The following EXOC6B variants were observed in gnomAD, a reference collection of about 807,000 sequenced individuals.
EXOC6B encodes the protein SEC15 homolog B.
Under a neutral mutation model 113.5 loss-of-function variants are expected in EXOC6B, and 54 were observed. The observed-to-expected ratio is 0.48, with a 90% confidence interval of 0.38 to 0.60. The LOEUF (loss-of-function observed/expected upper bound fraction) is 0.60. Among genes scored for constraint, EXOC6B ranks in the 20% least tolerant of loss-of-function variants. EXOC6B has a pLI of 0.00. For synonymous variants in EXOC6B, 357 were observed against 339.0 expected, an observed-to-expected ratio of 1.05 and a Z score of -0.58; for missense variants, 797 against 977.5, an observed-to-expected ratio of 0.82 and a Z score of 2.46.
intron 20 of EXOC6B, among the ~76,000 whole-genome samples, chr2:72,191,832 T>C (rs1344358558): frequency 1.3e-5 from 2 of 152,208 alleles, no homozygotes; most frequent in Non-Finnish European, 2.9e-5. Flanking sequence ...GCAGCAAGTC[T>C]AGAAATAATT....
intron 19 of EXOC6B, among the ~76,000 whole-genome samples, chr2:72,352,145 G>T (rs1572955156): frequency 1.3e-5 from 2 of 152,208 alleles, no homozygotes; most frequent in East Asian, 3.9e-4. Flanking sequence ...AATTCTAAAA[G>T]GGATTAGCTG....
chr2:72,306,071 AAAG>A (rs1274027165), intron 20 of EXOC6B, among the ~76,000 whole-genome samples: 10 of 152,182 alleles, frequency 6.6e-5, no homozygotes, highest in African/African-American at 2.2e-4. Context: ...CAGTTGAAGA[AAAG>A]AAGAACACTT....
At chr2:72,543,548 T>C (rs2105797333) in intron 8 of EXOC6B, among the ~76,000 whole-genome samples, 1 of 152,228 alleles carries the variant, frequency 6.6e-6, no homozygotes, top group Middle Eastern at 3.4e-3. Flanking sequence ...TCTCTCTTTT[T>C]CCCCCGCCTT....
intron 20 of EXOC6B, among the ~76,000 whole-genome samples, chr2:72,328,454 C>T (rs979131992): frequency 6.6e-6 from 1 of 151,924 alleles, no homozygotes; most frequent in Non-Finnish European, 1.5e-5. Context: ...CTTGGAGCAT[C>T]AGGCCACCTG....
At chr2:72,280,761 A>C (rs1483630868) in intron 20 of EXOC6B, among the ~76,000 whole-genome samples, 5 of 152,102 alleles carry the variant, frequency 3.3e-5, no homozygotes, top group Non-Finnish European at 7.4e-5. Context: ...AAGGGAGCTC[A>C]CTGAGATGAA....
At chr2:72,437,113 T>C (rs1437148673) in intron 18 of EXOC6B, among the ~76,000 whole-genome samples, 1 of 152,206 alleles carries the variant, frequency 6.6e-6, no homozygotes, top group Non-Finnish European at 1.5e-5. Context: ...GTTCATGTTA[T>C]CACTTTTTCT....
intron 6 of EXOC6B, among the ~76,000 whole-genome samples, chr2:72,705,733 A>C (rs575986821): frequency 9.2e-5 from 14 of 151,970 alleles, no homozygotes; most frequent in East Asian, 1.9e-4. Flanking sequence ...ACACACACAC[A>C]CCCAATAAAA....
chr2:72,187,518 C>T (rs1678516443), intron 20 of EXOC6B, among the ~76,000 whole-genome samples: 1 of 151,974 alleles, frequency 6.6e-6, no homozygotes, highest in African/African-American at 2.4e-5. Flanking sequence ...TCTCAGTAGC[C>T]AGGGTGTCCC....
At chr2:72,503,403 T>C (rs1010287061) in intron 11 of EXOC6B, among the ~76,000 whole-genome samples, 4 of 152,188 alleles carry the variant, frequency 2.6e-5, no homozygotes, top group Non-Finnish European at 4.4e-5. Context: ...CTTGTCTCCA[T>C]AGTTTTGCCA....
chr2:72,339,483 G>C (rs907745724), intron 19 of EXOC6B, among the ~76,000 whole-genome samples: 1 of 152,078 alleles, frequency 6.6e-6, no homozygotes, highest in Non-Finnish European at 1.5e-5. Flanking sequence ...ACCAATTCCT[G>C]TTACTGGGAG....
intron 20 of EXOC6B, among the ~76,000 whole-genome samples, chr2:72,313,213 C>T (rs1687311632): frequency 1.3e-5 from 2 of 151,984 alleles, no homozygotes; most frequent in South Asian, 2.1e-4. Flanking sequence ...TGGGGCCTAA[C>T]GAAGGGTGGC....
rs374953860 is a variant in EXOC6B at position 72,359,906 on chromosome 2, C to G, written c.2122+19823G>C. ...CTGGTTGTTTAAAAGACTGTGGCTC[C>G]TCCCCCACTTCTCTTGCTGGTTCTC... On this transcript the variant is annotated intron_variant, in intron 19 of 21. Coordinates refer to ENST00000272427, the MANE Select transcript of EXOC6B (RefSeq NM_015189.3). Among the ~76,000 whole-genome samples, 92 of 152,124 alleles carry G rather than the reference C, an allele frequency of 6.0e-4. 2 individuals carry two copies. The East Asian group carries it at 0.015, about 25-fold the overall frequency.
chr2:72,635,500 C>T (rs1377482517), intron 6 of EXOC6B, among the ~76,000 whole-genome samples: 1 of 152,100 alleles, frequency 6.6e-6, no homozygotes, highest in Admixed American at 6.6e-5. Flanking sequence ...AAGTACCACA[C>T]CTTCCCCCAA....
At chr2:72,508,450 C>T (rs914907660) in intron 11 of EXOC6B, among the ~76,000 whole-genome samples, 2 of 151,904 alleles carry the variant, frequency 1.3e-5, no homozygotes, top group East Asian at 1.9e-4. Context: ...TTTAAAAAGA[C>T]GATTTAAGAG....
rs144374504 is a variant in EXOC6B, at chr2:72,747,559, A to G, written c.114-6090T>C. Among the ~76,000 whole-genome samples the G allele has an allele frequency of 2.5e-4, 38 of 152,158 alleles. No homozygotes were observed. In the East Asian group the frequency reaches 6.2e-3, roughly 25 times the overall value. Reference sequence around the variant, plus strand: ...AACATCATGTTATATGACTTAATAAATTTCCCATTGTTTAAGCCACTTTCC... The same window carrying G: ...AACATCATGTTATATGACTTAATAAGTTTCCCATTGTTTAAGCCACTTTCC... On this transcript the variant is annotated intron_variant, in intron 1 of 21. Coordinates refer to ENST00000272427, the MANE Select transcript of EXOC6B (RefSeq NM_015189.3).
chr2:72,304,983 G>T (rs2104767871), intron 20 of EXOC6B, among the ~76,000 whole-genome samples: 1 of 152,300 alleles, frequency 6.6e-6, no homozygotes, highest in East Asian at 1.9e-4. Flanking sequence ...TACATCTAAA[G>T]TGAGTATATA....
intron 1 of EXOC6B, among the ~76,000 whole-genome samples, chr2:72,819,655 C>T (rs941848917): frequency 3.3e-5 from 5 of 152,258 alleles, no homozygotes; most frequent in African/African-American, 7.2e-5. Context: ...CTTAAGTCCA[C>T]ATAGCAAACC....
chr2:72,689,303 T>C (rs1364223748), intron 6 of EXOC6B, among the ~76,000 whole-genome samples: 1 of 152,146 alleles, frequency 6.6e-6, no homozygotes, highest in Non-Finnish European at 1.5e-5. Context: ...CAGTATTATA[T>C]CTCTAAACCC....
At chr2:72,722,640 A>G (rs185309499) in intron 5 of EXOC6B, among the ~76,000 whole-genome samples, 1 of 152,350 alleles carries the variant, frequency 6.6e-6, no homozygotes, top group Admixed American at 6.5e-5. Flanking sequence ...AAACAATACA[A>G]TTCACATGGT....
Sources: gnomAD v4.1 joint callset for allele counts (sites outside exome capture counted in the v4.1 genomes callset) on GRCh38, gnomAD v4.1.1 for gene constraint, MANE v1.5 for transcripts, NCBI Gene and HGNC (gene_info 2026-07-23, HGNC 2026-07-21) for gene names.